Variants in GLIS3 observed in about 807,000 individuals in gnomAD.
The protein encoded by GLIS3 is GLIS family zinc finger 3, also known as zinc finger protein GLIS3.
GLIS3 carries 53 observed loss-of-function variants against 78.6 expected under a neutral mutation model. The ratio of observed to expected loss-of-function variants is 0.67; its 90% CI spans 0.54 to 0.85. The LOEUF (loss-of-function observed/expected upper bound fraction) is 0.85, where lower values mean the gene tolerates loss of function less well. Ranked by LOEUF, GLIS3 falls within the 40% of genes least tolerant of loss-of-function variation. GLIS3 has a pLI of 0.00. For missense variants in GLIS3, 1,703 were observed against 1,231.1 expected, an observed-to-expected ratio of 1.38 and a Z score of -5.74; for synonymous variants, 684 against 509.9, an observed-to-expected ratio of 1.34 and a Z score of -4.60.
chr9:3,987,097 A>G (rs1819803225), intron 4 of GLIS3, among the ~76,000 whole-genome samples: 1 of 152,208 alleles, frequency 6.6e-6, no homozygotes, highest in Non-Finnish European at 1.5e-5. Context: ...ACAAATGGAA[A>G]AAATTAGAAA....
At chr9:4,255,749 G>C (rs994175227) in intron 2 of GLIS3, among the ~76,000 whole-genome samples, 1 of 152,110 alleles carries the variant, frequency 6.6e-6, no homozygotes, top group East Asian at 1.9e-4. Context: ...GGATTTTTAG[G>C]GCAGTGAAAC....
At chr9:4,188,805 T>C (rs1818046802) in intron 2 of GLIS3, among the ~76,000 whole-genome samples, 1 of 152,250 alleles carries the variant, frequency 6.6e-6, no homozygotes, top group African/African-American at 2.4e-5. Flanking sequence ...TAGTATTCTC[T>C]GATGGTAGTC....
At chr9:3,936,130 G>C (rs1005673874) in intron 5 of GLIS3, among the ~76,000 whole-genome samples, 3 of 152,142 alleles carry the variant, frequency 2.0e-5, no homozygotes, top group Non-Finnish European at 4.4e-5. Flanking sequence ...CACCGAAAAA[G>C]TACTGTCATG....
intron 2 of GLIS3, 112 bp from the exon 3 acceptor site, chr9:4,126,053 A>AT (rs574545416): frequency 8.6e-3 from 5,467 of 634,280 alleles, no homozygotes; most frequent in Non-Finnish European, 9.8e-3. Context: ...TCCTCAGATC[A>AT]TTTTTTTTTT....
intron 2 of GLIS3, among the ~76,000 whole-genome samples, chr9:4,319,649 C>T (rs1414183612): frequency 6.6e-6 from 1 of 152,014 alleles, no homozygotes; most frequent in African/African-American, 2.4e-5. Flanking sequence ...CCTGCCTCAC[C>T]CTCCCAGGTA....
At chr9:4,227,068 TG>T (rs773149128) in intron 2 of GLIS3, among the ~76,000 whole-genome samples, 64 of 152,122 alleles carry the variant, frequency 4.2e-4, no homozygotes, top group Non-Finnish European at 7.1e-4. Flanking sequence ...GAGCGGTCTG[TG>T]GAAGAATGAC....
chr9:4,321,189 G>A (rs1468206922), intron 2 of GLIS3, among the ~76,000 whole-genome samples: 1 of 150,138 alleles, frequency 6.7e-6, no homozygotes, highest in East Asian at 2.0e-4. Flanking sequence ...GGGAGGCCGA[G>A]GCGGGCGGAT....
In GLIS3 at chr9:3,946,912, G is replaced by C. The variant is rs576973296; in HGVS notation, c.1711-9723C>G. ...TCATGCAAAGAAAAATGATCTTTTC[G>C]ACCTTGCCCTGAGTTGCCCTGAGTC... On this transcript the variant is annotated intron_variant, in intron 4 of 10. Coordinates refer to ENST00000381971, the MANE Select transcript of GLIS3 (RefSeq NM_001042413.2). Among the ~76,000 whole-genome samples, 15 of 150,968 alleles carry C rather than the reference G, an allele frequency of 9.9e-5. No homozygotes were observed. The South Asian group carries it at 3.1e-3, about 31-fold the overall frequency.
intron 2 of GLIS3, among the ~76,000 whole-genome samples, chr9:4,334,300 TAC>T (rs1287763917): frequency 6.6e-6 from 1 of 152,238 alleles, no homozygotes; most frequent in African/African-American, 2.4e-5. Flanking sequence ...TTCTACAAAT[TAC>T]AGAGAGATCA....
chr9:4,227,869 T>C (rs1821910844), intron 2 of GLIS3, among the ~76,000 whole-genome samples: 1 of 152,210 alleles, frequency 6.6e-6, no homozygotes. Flanking sequence ...ACTTCCCATT[T>C]CCAAGTTCTG....
intron 3 of GLIS3, among the ~76,000 whole-genome samples, chr9:4,125,293 G>C (rs574745256): frequency 6.6e-5 from 10 of 152,310 alleles, no homozygotes; most frequent in African/African-American, 2.2e-4. Context: ...ATGGGTAGCT[G>C]GATGGATGCA....
chr9:4,485,124 C>T, the GLIS3 span, among the ~76,000 whole-genome samples: 1 of 151,980 alleles, frequency 6.6e-6, no homozygotes, highest in East Asian at 1.9e-4. Flanking sequence ...AAGCGATTCT[C>T]CTGCCTCAGG....
At chr9:4,471,311 CA>C in the GLIS3 span, among the ~76,000 whole-genome samples, 1 of 152,054 alleles carries the variant, frequency 6.6e-6, no homozygotes, top group African/African-American at 2.4e-5. Flanking sequence ...AATCCTAAGC[CA>C]AAAGAACAAA....
intron 4 of GLIS3, among the ~76,000 whole-genome samples, chr9:3,948,211 G>C (rs1816427457): frequency 6.6e-6 from 1 of 152,150 alleles, no homozygotes; most frequent in Non-Finnish European, 1.5e-5. Flanking sequence ...CACAAGCCTA[G>C]CTGGCACACA....
chr9:4,299,586 C>G lies in GLIS3; in HGVS notation c.-264G>C, dbSNP rs1395914378. On this transcript the variant is annotated 5_prime_UTR_variant, in exon 1 of 11. Coordinates refer to ENST00000381971, the MANE Select transcript of GLIS3 (RefSeq NM_001042413.2). ...CTCCTTCGGAAATGAAAACCCCCAT[C>G]CAAACGGGGGGACGGAGCGCGGAAA... The G allele has an allele frequency of 1.3e-5, 2 of 152,648 alleles. No individual in the cohort carries two copies. The highest frequency in any genetic ancestry group is 4.8e-5 in the African/African-American group (2 of 41,460). 9.5% of individuals were successfully genotyped at this position (152,648 alleles called of 1,614,324 possible).
intron 6 of GLIS3, among the ~76,000 whole-genome samples, chr9:3,922,020 G>A (rs1271476161): frequency 6.6e-6 from 1 of 151,934 alleles, no homozygotes; most frequent in Non-Finnish European, 1.5e-5. Context: ...CAAACAAACT[G>A]TTACAAATTT....
chr9:3,951,556 T>C (rs1241896980), intron 4 of GLIS3, among the ~76,000 whole-genome samples: 12 of 151,718 alleles, frequency 7.9e-5, no homozygotes, highest in South Asian at 4.2e-4. Context: ...ACCTGAAAAA[T>C]AGACCACTGG....
chr9:4,131,788 T>C (rs1395395705), intron 2 of GLIS3, among the ~76,000 whole-genome samples: 1 of 152,308 alleles, frequency 6.6e-6, no homozygotes, highest in African/African-American at 2.4e-5. Flanking sequence ...AAGGTTGTTG[T>C]GCATCTAGTA....
intron 4 of GLIS3, among the ~76,000 whole-genome samples, chr9:4,074,943 G>C (rs1283267662): frequency 6.6e-6 from 1 of 152,114 alleles, no homozygotes; most frequent in Non-Finnish European, 1.5e-5. Context: ...TCTCCTTTAA[G>C]AGACTTGCTC....
Sources: gnomAD v4.1 joint callset for allele counts (sites outside exome capture counted in the v4.1 genomes callset) on GRCh38, gnomAD v4.1.1 for gene constraint, MANE v1.5 for transcripts, NCBI Gene and HGNC (gene_info 2026-07-23, HGNC 2026-07-21) for gene names.